The following NLE1 variants were observed in gnomAD, a reference collection of about 807,000 sequenced individuals.
NLE1 encodes notchless protein homolog 1.
Under a neutral mutation model 62.8 loss-of-function variants are expected in NLE1, and 37 were observed. The observed-to-expected ratio is 0.59, with a 90% CI of 0.45 to 0.78. The LOEUF (loss-of-function observed/expected upper bound fraction) is 0.78. Among genes scored for constraint, NLE1 ranks in the 30% least tolerant of loss-of-function variants. The probability of loss-of-function intolerance (pLI) is 0.00; values close to 1 mark genes in which losing one functional copy is unlikely to be tolerated. For synonymous variants in NLE1, 243 were observed against 253.0 expected (o/e 0.96, Z 0.37); for missense variants, 555 against 637.9 (o/e 0.87, Z 1.40).
At chr17:35,136,290 A>G (rs2091908288) in intron 8 of NLE1, 72 bp downstream of exon 8, 2 of 1,611,382 alleles carry the variant, frequency 1.2e-6, no homozygotes, top group East Asian at 4.5e-5. Flanking sequence ...CAAAGAGCAA[A>G]CACTCCCCAT....
intron 4 of NLE1, among the ~76,000 whole-genome samples, chr17:35,138,115 T>A (rs1298655138): frequency 6.6e-6 from 1 of 152,234 alleles, no homozygotes; most frequent in African/African-American, 2.4e-5. Context: ...ACTCCTTATG[T>A]GACACATGCT....
In NLE1 at chr17:35,139,925, C is replaced by T; in HGVS notation, c.304G>A (p.Ala102Thr). 1 of 1,614,158 alleles carries T rather than the reference C, an allele frequency of 6.2e-7. No homozygotes were observed. Among genetic ancestry groups the T allele is most frequent in the Admixed American group, 1.7e-5 (1 of 60,024 alleles). ...YQPQAIFRVR[A>T]VTRCTSSLEG... The stretch of plus-strand genomic sequence containing the variant: ...AAGGAGCTGGTGCAGCGAGTCACAG[C>T]CCGGACTCTGAAGATAGCCTGTGGC... The change falls in exon 3 of 13, where the codon GCT becomes ACT. Residue 102 changes from alanine (A) to threonine (T), a missense_variant. Physicochemically the swap from Ala to Thr is moderately conservative, Grantham distance 58. Coordinates refer to ENST00000442241, the MANE Select transcript of NLE1 (RefSeq NM_018096.5).
At position 35,133,138 on chromosome 17, in the gene NLE1, G is replaced by A. The variant is rs200586939; in HGVS notation, c.1445+33C>T. ...GAAGGACCTTAGGGGTAGGAGGGCT[G>A]TGTATGCCAACCACCACTTCCCCCA... On this transcript the variant is annotated intron_variant, in intron 12 of 12. Transcript: ENST00000442241. The A allele has an allele frequency of 6.9e-6, 11 of 1,602,152 alleles. No homozygotes were observed. The Admixed American group carries it at 1.8e-4, about 27-fold the overall frequency.
At chr17:35,138,600 T>C (rs906008526) in intron 4 of NLE1, among the ~76,000 whole-genome samples, 1 of 152,140 alleles carries the variant, frequency 6.6e-6, no homozygotes, top group Non-Finnish European at 1.5e-5. Flanking sequence ...CACGCCACCA[T>C]GCCCGGCTAA....
chr17:35,129,854 T>C lies in NLE1; in HGVS notation c.*2583A>G, dbSNP rs771371122. On this transcript the variant is annotated 3_prime_UTR_variant, in exon 13 of 13. Transcript: ENST00000442241. Reference sequence around the variant, plus strand: ...AGGATTAAGCCACTCTGGGGCCCACTAGGAATGCAAACGAATGTATTTTTC... The same window carrying C: ...AGGATTAAGCCACTCTGGGGCCCACCAGGAATGCAAACGAATGTATTTTTC... 102 of 1,424,038 alleles carry C rather than the reference T, an allele frequency of 7.2e-5. No individual in the cohort carries two copies. Among genetic ancestry groups the C allele is most frequent in the Non-Finnish European group, 9.0e-5 (98 of 1,093,588 alleles). The allele number at this position is 1,424,038 out of a possible 1,614,324, so 88.2% of individuals were successfully genotyped here.
Position 35,139,962 on chromosome 17 carries a change from G to A in NLE1, c.267C>T (p.Asp89=), listed in dbSNP as rs1278857782. 1.9e-6 allele frequency: 3 copies of A among 1,614,190 alleles called. No individual in the cohort carries two copies. The Admixed American group carries it at 5.0e-5, about 27-fold the overall frequency. The change falls in exon 3 of 13, where the codon GAC becomes GAT. Residue 89 remains aspartate (D), a synonymous_variant. Coordinates refer to ENST00000442241, the MANE Select transcript of NLE1 (RefSeq NM_018096.5). ...AGATAGCCTGTGGCTGGTAGATGAT[G>A]TCTAGGACCTTCTCTGTCTCCACTG... is the stretch of plus-strand genomic sequence containing the variant. ...SQAVETEKVL[D]IIYQPQAIFR... is the part of the protein sequence containing the mutation.
chr17:35,133,269 G>A, intron 11 of NLE1, 28 bp from the exon 12 acceptor site: 1 of 1,614,044 alleles, frequency 6.2e-7, no homozygotes, highest in Non-Finnish European at 8.5e-7. Context: ...AAGGCAGGTG[G>A]GGTGGTGAGA....
rs982013011 is a variant in NLE1 at position 35,130,740 on chromosome 17, G to A, written c.*1697C>T. 2 of 319,308 alleles carry A rather than the reference G, an allele frequency of 6.3e-6. No individual in the cohort carries two copies. The highest frequency in any genetic ancestry group is 4.2e-5 in the African/African-American group (2 of 47,396). 19.8% of individuals were successfully genotyped at this position (319,308 alleles called of 1,614,324 possible). A position where few individuals can be genotyped will look rare whatever the true frequency, so the allele number is the denominator to read the frequency against. On this transcript the variant is annotated 3_prime_UTR_variant, in exon 13 of 13. Transcript: ENST00000442241. ...ACTGCAGGTCATCCAGCACCCTAAA[G>A]TCTGCTTTATGCTGCAGACAGCCTC...
Position 35,130,040 on chromosome 17 carries a change from AG to A in NLE1, c.*2396del, listed in dbSNP as rs972940782. ...GAAGGGAACAGCCTGGGTATGGGGT[AG>A]GGGTATGGGGGTATAGAGGCCTGAG... On this transcript the variant is annotated 3_prime_UTR_variant, in exon 13 of 13. Coordinates refer to ENST00000442241, the MANE Select transcript of NLE1 (RefSeq NM_018096.5). The A allele has an allele frequency of 8.8e-5, 123 of 1,394,752 alleles. No individual in the cohort carries two copies. The highest frequency in any genetic ancestry group is 1.1e-4 in the Non-Finnish European group (116 of 1,076,934). The allele number at this position is 1,394,752 out of a possible 1,614,324, so 86.4% of individuals were successfully genotyped here.
chr17:35,129,114 A>C lies in NLE1; in HGVS notation c.*3323T>G. On this transcript the variant is annotated 3_prime_UTR_variant, in exon 13 of 13. Coordinates refer to ENST00000442241, the MANE Select transcript of NLE1 (RefSeq NM_018096.5). ...CCCACCAATCTCCTCCTGCTGTGCT[A>C]TCCAGTTCCTAACAGGCCATGGACT... 3.3e-6 allele frequency: 1 copy of C among 299,558 alleles called. No individual in the cohort carries two copies. The highest frequency in any genetic ancestry group is 6.4e-6 in the Non-Finnish European group (1 of 156,060). The allele number at this position is 299,558 out of a possible 1,614,324, so 18.6% of individuals were successfully genotyped here.
chr17:35,136,438 G>C lies in NLE1; in HGVS notation c.888C>G (p.Ser296Arg). ...HGHWVNTMAL[S>R]TDYALRTGAF... ...CCCCAGTGCGCAGGGCATAGTCAGT[G>C]CTGAGGGCCATGGTGTTCACCCAGT... Residue 296 changes from serine to arginine, a missense_variant, in exon 8 of 13, where the codon AGC becomes AGG. Coordinates refer to ENST00000442241, the MANE Select transcript of NLE1 (RefSeq NM_018096.5). 1 of 1,614,160 alleles carries C rather than the reference G, an allele frequency of 6.2e-7. No individual in the cohort carries two copies. Among genetic ancestry groups the C allele is most frequent in the Non-Finnish European group, 8.5e-7 (1 of 1,179,996 alleles).
chr17:35,133,389 C>G lies in NLE1; in HGVS notation c.1324G>C (p.Asp442His). Residue 442 changes from aspartate (D) to histidine (H), a missense_variant, in exon 11 of 13, where the codon GAT (aspartate) becomes CAT (histidine). Transcript: ENST00000442241. ...ATGGCCAGCTTCTGGGCCTTCACAT[C>G]CCACACCTTCAGTGTGCTGTCACTG... Reference protein sequence around the residue: ...GSSDSTLKVWDVKAQKLAMDL... With the variant: ...GSSDSTLKVWHVKAQKLAMDL... 2.5e-6 allele frequency: 4 copies of G among 1,614,210 alleles called. No homozygotes were observed. Among genetic ancestry groups the G allele is most frequent in the Non-Finnish European group, 3.4e-6 (4 of 1,180,052 alleles).
chr17:35,133,589 C>A, intron 10 of NLE1, 91 bp from the exon 11 acceptor site: 1 of 1,224,142 alleles, frequency 8.2e-7, no homozygotes, highest in South Asian at 1.4e-5. Context: ...CAGTGGTTCT[C>A]AACCTCGGCT....
Position 35,136,428 on chromosome 17 carries a change from C to G in NLE1, c.898G>C (p.Ala300Pro), listed in dbSNP as rs1378382125. Residue 300 changes from alanine to proline, a missense_variant, in exon 8 of 13, where the codon GCC becomes CCC. Transcript: ENST00000442241. ...GGTTCAAAGGCCCCAGTGCGCAGGG[C>G]ATAGTCAGTGCTGAGGGCCATGGTG... ...VNTMALSTDY[A>P]LRTGAFEPAE... 7 of 1,614,048 alleles carry G rather than the reference C, an allele frequency of 4.3e-6. No individual in the cohort carries two copies. The highest frequency in any genetic ancestry group is 5.1e-6 in the Non-Finnish European group (6 of 1,180,016).
At chr17:35,141,851 G>T in intron 2 of NLE1, 128 bp downstream of exon 2, 3 of 1,048,514 alleles carry the variant, frequency 2.9e-6, no homozygotes, top group South Asian at 1.5e-5. Flanking sequence ...ATAGGTGGGA[G>T]CTCACGCCAG....
chr17:35,140,031 A>T lies in NLE1; in HGVS notation c.198T>A (p.Asp66Glu). The stretch of plus-strand genomic sequence containing the variant: ...TCCCCAGTGAGGAGACGATCTCAGC[A>T]TCGTGGACAAAGAAAGCCAGTGGCA... ...DPLPLAFFVHDAEIVSSLGKT... is the reference protein window; with the variant it reads ...DPLPLAFFVHEAEIVSSLGKT... Residue 66 changes from aspartate (D) to glutamate (E), a missense_variant, in exon 3 of 13, where the codon GAT becomes GAA. Asp to Glu is a conservative substitution (Grantham distance 45, BLOSUM62 2). Transcript: ENST00000442241. 1 of 1,613,860 alleles carries T rather than the reference A, an allele frequency of 6.2e-7. No individual in the cohort carries two copies. The highest frequency in any genetic ancestry group is 1.1e-5 in the South Asian group (1 of 91,058).
In NLE1 at chr17:35,142,047, G is replaced by A; in HGVS notation, c.94C>T (p.Pro32Ser). Residue 32 changes from proline (P) to serine (S), a missense_variant, in exon 2 of 13, where the codon CCG becomes TCG. Transcript: ENST00000442241. ...QDEGGQLLGS[P>S]FDVPVDITPD... ...GTGATGTCCACGGGCACGTCGAACG[G>A]GGAACCCAGCAGCTGCCCGCCCTCA... 1 of 1,612,316 alleles carries A rather than the reference G, an allele frequency of 6.2e-7. No homozygotes were observed. The highest frequency in any genetic ancestry group is 8.5e-7 in the Non-Finnish European group (1 of 1,179,736).
Position 35,142,065 on chromosome 17 carries a change from C to G in NLE1, c.76G>C (p.Gly26Arg), listed in dbSNP as rs1364360893. ...TCGAACGGGGAACCCAGCAGCTGCC[C>G]GCCCTCATCCTGGAACTGCACTAGC... ...RLLVQFQDEGGQLLGSPFDVP... is the reference protein window; with the variant it reads ...RLLVQFQDEGRQLLGSPFDVP... Residue 26 changes from glycine (G) to arginine (R), a missense_variant, in exon 2 of 13, where the codon GGG (glycine) becomes CGG (arginine). Transcript: ENST00000442241. The G allele has an allele frequency of 2.5e-6, 4 of 1,612,700 alleles. No individual in the cohort carries two copies. Among genetic ancestry groups the G allele is most frequent in the Non-Finnish European group, 3.4e-6 (4 of 1,179,924 alleles).
In NLE1 at chr17:35,140,603, T is replaced by C. The variant is rs967862547; in HGVS notation, c.163-537A>G. 7.3e-5 allele frequency among the ~76,000 whole-genome samples: 11 copies of C among 151,710 alleles called. No homozygotes were observed. In the East Asian group the frequency reaches 1.8e-3, roughly 24 times the overall value. ...GCACTTGGAAATTCTTTTTTCTTTT[T>C]TTTTTGAGATGGAGTCTCGTTCTGT... On this transcript the variant is annotated intron_variant, in intron 2 of 12. Transcript: ENST00000442241.
Sources: allele counts gnomAD v4.1 joint callset (sites outside exome capture counted in the v4.1 genomes callset), GRCh38; gene constraint gnomAD v4.1.1; transcripts MANE v1.5; gene names NCBI Gene and HGNC (gene_info 2026-07-23, HGNC 2026-07-21).